The following TMEM132C variants were observed in gnomAD, a reference collection of about 807,000 sequenced individuals.
TMEM132C encodes the protein protein phosphatase 1, regulatory subunit 152.
TMEM132C carries 29 observed loss-of-function variants against 61.4 expected under a neutral mutation model. The ratio of observed to expected loss-of-function variants is 0.47; its 90% CI spans 0.35 to 0.64. The LOEUF (loss-of-function observed/expected upper bound fraction) is 0.64, where lower values mean the gene tolerates loss of function less well. Ranked by LOEUF, TMEM132C falls within the 30% of genes least tolerant of loss-of-function variation. The pLI, the probability that TMEM132C is intolerant of heterozygous loss-of-function variation, is 0.00. For synonymous variants in TMEM132C, 656 were observed against 633.1 expected, an observed-to-expected ratio of 1.04 and a Z score of -0.54; for missense variants, 1,408 against 1,476.9, an observed-to-expected ratio of 0.95 and a Z score of 0.76.
chr12:128,632,032 C>T (rs752318200), intron 4 of TMEM132C, among the ~76,000 whole-genome samples: 1 of 152,182 alleles, frequency 6.6e-6, no homozygotes, highest in Non-Finnish European at 1.5e-5. Context: ...CAATAGATGC[C>T]TGTGACCCCC....
At chr12:128,280,012 A>C (rs1638873980) in intron 1 of TMEM132C, among the ~76,000 whole-genome samples, 1 of 152,164 alleles carries the variant, frequency 6.6e-6, no homozygotes, top group African/African-American at 2.4e-5. Context: ...AAATGACTTC[A>C]GTCTGTCTTC....
intron 2 of TMEM132C, among the ~76,000 whole-genome samples, chr12:128,447,281 G>A (rs1194559617): frequency 6.6e-6 from 1 of 152,130 alleles, no homozygotes; most frequent in Non-Finnish European, 1.5e-5. Flanking sequence ...CCTGTGGCAG[G>A]GAGAGAAAGA....
intron 1 of TMEM132C, among the ~76,000 whole-genome samples, chr12:128,350,875 A>G (rs1182576517): frequency 6.6e-6 from 1 of 152,158 alleles, no homozygotes; most frequent in Non-Finnish European, 1.5e-5. Flanking sequence ...AGGCACCAGT[A>G]GCTTCCAGGA....
chr12:128,341,181 TC>T, intron 1 of TMEM132C, among the ~76,000 whole-genome samples: 1 of 152,232 alleles, frequency 6.6e-6, no homozygotes, highest in Non-Finnish European at 1.5e-5. Context: ...CCTCTGGAGA[TC>T]CAACCACCTC....
At chr12:128,541,120 G>A (rs991809079) in intron 2 of TMEM132C, among the ~76,000 whole-genome samples, 3 of 151,968 alleles carry the variant, frequency 2.0e-5, no homozygotes, top group African/African-American at 4.8e-5. Flanking sequence ...TTCCTAGAGC[G>A]GCTCACAGAG....
chr12:128,405,403 C>T (rs1875307182), intron 1 of TMEM132C, among the ~76,000 whole-genome samples: 1 of 152,152 alleles, frequency 6.6e-6, no homozygotes, highest in South Asian at 2.1e-4. Flanking sequence ...CATGTGGGCA[C>T]CTCTGTGGTT....
intron 2 of TMEM132C, among the ~76,000 whole-genome samples, chr12:128,474,737 A>T (rs1016365699): frequency 1.2e-4 from 18 of 152,184 alleles, no homozygotes; most frequent in Non-Finnish European, 1.9e-4. Context: ...TTTTGTTATG[A>T]ATTCTGGAAT....
At chr12:128,681,445 G>A (rs535274811) in intron 5 of TMEM132C, among the ~76,000 whole-genome samples, 2 of 152,206 alleles carry the variant, frequency 1.3e-5, no homozygotes, top group South Asian at 4.2e-4. Flanking sequence ...ACCGAGTTAA[G>A]GGGGAAAACA....
intron 2 of TMEM132C, among the ~76,000 whole-genome samples, chr12:128,495,762 C>A (rs1413335073): frequency 6.6e-6 from 1 of 152,106 alleles, no homozygotes; most frequent in South Asian, 2.1e-4. Context: ...ATACAGCACA[C>A]TGATGGGTCT....
intron 1 of TMEM132C, among the ~76,000 whole-genome samples, chr12:128,412,029 A>G (rs1269948698): frequency 6.6e-6 from 1 of 152,220 alleles, no homozygotes; most frequent in Non-Finnish European, 1.5e-5. Context: ...TTTACTCACT[A>G]TCATTCAATG....
intron 1 of TMEM132C, among the ~76,000 whole-genome samples, chr12:128,413,351 A>T (rs1253382877): frequency 1.4e-5 from 2 of 142,928 alleles, no homozygotes; most frequent in East Asian, 2.2e-4. Flanking sequence ...TCTTGTGTGT[A>T]TGTGTTTTCT....
At chr12:128,379,523 G>A (rs953070022) in intron 1 of TMEM132C, among the ~76,000 whole-genome samples, 5 of 152,190 alleles carry the variant, frequency 3.3e-5, no homozygotes, top group South Asian at 4.1e-4. Context: ...CTCCAGAGGC[G>A]CTAGGGAAGG....
chr12:128,488,128 A>G (rs1871568329), intron 2 of TMEM132C, among the ~76,000 whole-genome samples: 1 of 152,172 alleles, frequency 6.6e-6, no homozygotes, highest in African/African-American at 2.4e-5. Context: ...AGATGGCTGC[A>G]TTTACCAACT....
chr12:128,380,300 G>A (rs1334360781), intron 1 of TMEM132C, among the ~76,000 whole-genome samples: 2 of 152,254 alleles, frequency 1.3e-5, no homozygotes, highest in African/African-American at 4.8e-5. Context: ...GTGGCCAGAT[G>A]TTTGTGAGAA....
At chr12:128,285,157 A>G (rs967741351) in intron 1 of TMEM132C, among the ~76,000 whole-genome samples, 4 of 152,202 alleles carry the variant, frequency 2.6e-5, no homozygotes, top group African/African-American at 9.6e-5. Flanking sequence ...GGTAGGAGGG[A>G]TAAGTTCCAG....
chr12:128,687,126 C>T (rs894000127), intron 5 of TMEM132C, among the ~76,000 whole-genome samples: 1 of 145,686 alleles, frequency 6.9e-6, no homozygotes, highest in Non-Finnish European at 1.5e-5. Flanking sequence ...CACTTAAACC[C>T]GAGAGGCAGA....
intron 2 of TMEM132C, among the ~76,000 whole-genome samples, chr12:128,484,316 A>G (rs77405513): frequency 0.057 from 8,749 of 152,230 alleles, 807 homozygotes; most frequent in African/African-American, 0.19. Flanking sequence ...AGAATGAAAC[A>G]TGGGGGAGGA....
At chr12:128,664,773 C>T (rs780050883) in intron 4 of TMEM132C, among the ~76,000 whole-genome samples, 15 of 152,156 alleles carry the variant, frequency 9.9e-5, no homozygotes, top group Non-Finnish European at 2.2e-4. Context: ...GCCAGCCAGC[C>T]ATGCACATGA....
chr12:128,347,449 G>T (rs1206571416), intron 1 of TMEM132C, among the ~76,000 whole-genome samples: 1 of 131,660 alleles, frequency 7.6e-6, no homozygotes, highest in Non-Finnish European at 1.5e-5. Context: ...CCTTCTTTCT[G>T]ACAGAGTTTT....
Sources: allele counts gnomAD v4.1 joint callset (sites outside exome capture counted in the v4.1 genomes callset), GRCh38; gene constraint gnomAD v4.1.1; transcripts MANE v1.5; gene names NCBI Gene and HGNC (gene_info 2026-07-23, HGNC 2026-07-21).